POLE: variants seen among roughly 807,000 people sequenced by gnomAD.
The protein encoded by POLE is DNA polymerase epsilon catalytic subunit A.
Under a neutral mutation model 279.2 loss-of-function variants are expected in POLE, and 188 were observed. That is an observed-to-expected ratio of 0.67 (90% CI 0.60 to 0.76). POLE has a LOEUF of 0.76. Among genes scored for constraint, POLE ranks in the 30% least tolerant of loss-of-function variants. POLE has a pLI of 0.00. For missense variants in POLE, 2,703 were observed against 3,016.7 expected, an observed-to-expected ratio of 0.90 and a Z score of 2.44; for synonymous variants, 1,214 against 1,172.5, an observed-to-expected ratio of 1.04 and a Z score of -0.72.
chr12:132,623,961 C>T lies in POLE; in HGVS notation c.*736G>A, dbSNP rs529850965. On this transcript the variant is annotated 3_prime_UTR_variant, in exon 49 of 49. Transcript: ENST00000320574. Reference sequence around the variant, plus strand: ...TTACATTTCATACTTGTTTGGTGCCCTGTGAAATTGGCCTTTCTTCTTTCT... The same window carrying T: ...TTACATTTCATACTTGTTTGGTGCCTTGTGAAATTGGCCTTTCTTCTTTCT... The T allele has an allele frequency of 5.3e-6, 1 of 188,514 alleles. No individual in the cohort carries two copies. The highest frequency in any genetic ancestry group is 8.5e-5 in the East Asian group (1 of 11,816). 11.7% of individuals were successfully genotyped at this position (188,514 alleles called of 1,614,324 possible).
At chr12:132,640,942 C>T (rs1442774175) in intron 39 of POLE, 1 of 456,094 alleles carries the variant, frequency 2.2e-6, no homozygotes, top group African/African-American at 2.0e-5. Flanking sequence ...CTCCCTCTCC[C>T]CTTTTGTATG....
chr12:132,625,595 AC>A lies in POLE; in HGVS notation c.6657+49del, dbSNP rs756539622. 10 of 1,602,702 alleles carry A rather than the reference AC, an allele frequency of 6.2e-6. 1 individual carries two copies. Among genetic ancestry groups the A allele is most frequent in the African/African-American group, 4.0e-5 (3 of 74,664 alleles). On this transcript the variant is annotated intron_variant, in intron 47 of 48. Coordinates refer to ENST00000320574, the MANE Select transcript of POLE (RefSeq NM_006231.4). ...CCCCGGCTCCCGGGAGTGCACAGAAACCCCCCTGTGGACTCCAGGGCACACG... is the reference window on the plus strand; with the variant it reads ...CCCCGGCTCCCGGGAGTGCACAGAAACCCCCTGTGGACTCCAGGGCACACG...
chr12:132,630,721 A>AT (rs1438629419), intron 45 of POLE, among the ~76,000 whole-genome samples: 1 of 152,044 alleles, frequency 6.6e-6, no homozygotes, highest in Non-Finnish European at 1.5e-5. Flanking sequence ...CTCCATCTCC[A>AT]AAAAAAAGCT....
At position 132,668,519 on chromosome 12, in the gene POLE, G is replaced by A. The variant is rs2135976598; in HGVS notation, c.2027-17C>T. The A allele has an allele frequency of 6.3e-7, 1 of 1,581,986 alleles. No individual in the cohort carries two copies. The highest frequency in any genetic ancestry group is 2.3e-5 in the East Asian group (1 of 44,322). ...TGGCTGGCACTGGGAAGGAGGCAAT[G>A]GGGGCAAGTTCAAAAGGAGGCACAG... On this transcript the variant is annotated splice_polypyrimidine_tract_variant and intron_variant, in intron 18 of 48. Transcript: ENST00000320574. The surrounding 1 kb of genome is among the most constrained non-coding windows in gnomAD (Gnocchi z 4.0).
Position 132,649,370 on chromosome 12 carries a change from C to T in POLE, c.3941G>A (p.Gly1314Glu). The part of the protein sequence containing the change: ...PGAIRDGPAT[G>E]LGSFLRRTAR... The stretch of plus-strand genomic sequence containing the variant: ...AGTTCTTCGCAAGAAGCTCCCCAGC[C>T]CCGTGGCAGGACCATCCCGGATGGC... The change falls in exon 31 of 49, where the codon GGG becomes GAG. Residue 1314 changes from glycine (G) to glutamate (E), a missense_variant. Physicochemically the swap from Gly to Glu is moderately conservative, Grantham distance 98. Around this residue, in one of 5 missense-constraint regions of POLE, gnomAD observed 1,551 missense variants for 1,686.1 expected, o/e 0.92. Coordinates refer to ENST00000320574, the MANE Select transcript of POLE (RefSeq NM_006231.4). 4 of 1,613,610 alleles carry T rather than the reference C, an allele frequency of 2.5e-6. 1 individual carries two copies. The South Asian group carries it at 4.4e-5, about 18-fold the overall frequency.
At position 132,643,253 on chromosome 12, in the gene POLE, G is replaced by C. The variant is rs766511597; in HGVS notation, c.4522C>G (p.Arg1508Gly). 24 of 1,613,700 alleles carry C rather than the reference G, an allele frequency of 1.5e-5. No homozygotes were observed. The Admixed American group carries it at 3.7e-4, about 25-fold the overall frequency. Residue 1508 changes from arginine to glycine, a missense_variant, in exon 35 of 49, where the codon CGC becomes GGC. Arg to Gly is a moderately radical substitution (Grantham distance 125, BLOSUM62 -2). Transcript: ENST00000320574. ...ALFGIFIPSQ[R>G]RASVFVLDTV... Reference sequence around the variant, plus strand: ...TCCAGCACAAAGACGGATGCCCTGCGCTGTGAGGGGATGAAGATCCCGAAG... The same window carrying C: ...TCCAGCACAAAGACGGATGCCCTGCCCTGTGAGGGGATGAAGATCCCGAAG...
In POLE at chr12:132,668,829, G is replaced by A. The variant is rs145203544; in HGVS notation, c.1905C>T (p.Ile635=). 370 of 1,614,072 alleles carry A rather than the reference G, an allele frequency of 2.3e-4. No homozygotes were observed. The highest frequency in any genetic ancestry group is 3.1e-4 in the Non-Finnish European group (360 of 1,180,028). Residue 635 remains isoleucine, a synonymous_variant, in exon 17 of 49, where the codon ATC becomes ATT. Coordinates refer to ENST00000320574, the MANE Select transcript of POLE (RefSeq NM_006231.4). The surrounding 1 kb of genome is among the most constrained non-coding windows in gnomAD (Gnocchi z 4.0). The stretch of plus-strand genomic sequence containing the variant: ...GTCTCACCTGCAGGCGGTTGGTCAG[G>A]ATGATGTTGGGGTACATGGCCCCCA... The part of the protein sequence containing the change: ...LDVGAMYPNI[I]LTNRLQPSAM...
rs1057523317 is a variant in POLE at position 132,672,272 on chromosome 12, G to A, written c.1737C>T (p.Arg579=). ...FLLQRVEKTL[R]HALEEEEKVP... is the part of the protein sequence containing the mutation. The stretch of plus-strand genomic sequence containing the variant: ...CTTTCTCCTCTTCCTCAAGGGCGTG[G>A]CGCAAGGTCTTCTCAACCCGCTGCA... Residue 579 remains arginine, a synonymous_variant, in exon 16 of 49, where the codon CGC becomes CGT. Coordinates refer to ENST00000320574, the MANE Select transcript of POLE (RefSeq NM_006231.4). The A allele has an allele frequency of 4.3e-6, 7 of 1,614,204 alleles. No individual in the cohort carries two copies. In the Admixed American group the frequency reaches 5.0e-5, roughly 12 times the overall value.
Position 132,657,137 on chromosome 12 carries a change from T to C in POLE, c.3581A>G (p.Gln1194Arg), listed in dbSNP as rs1165725258. The change falls in exon 29 of 49, where the codon CAG (glutamine) becomes CGG (arginine). Residue 1194 changes from glutamine to arginine, a missense_variant and splice_region_variant. By Grantham distance (43) the Gln-to-Arg change is conservative. Around this residue, in one of 5 missense-constraint regions of POLE, gnomAD observed 1,551 missense variants for 1,686.1 expected, o/e 0.92. Transcript: ENST00000320574. ...SELFTLEGRR[Q>R]VTMAEASEDS... Reference sequence around the variant, plus strand: ...CCAGCCTTGGGGCCCCACCGTCACCTGTCTCCTGCCCTCCAGGGTGAAGAG... The same window carrying C: ...CCAGCCTTGGGGCCCCACCGTCACCCGTCTCCTGCCCTCCAGGGTGAAGAG... 2 of 1,613,980 alleles carry C rather than the reference T, an allele frequency of 1.2e-6. No homozygotes were observed. The highest frequency in any genetic ancestry group is 2.2e-5 in the South Asian group (2 of 91,074).
At position 132,680,134 on chromosome 12, in the gene POLE, A is replaced by C. The variant is rs375911391; in HGVS notation, c.330+44T>G. ...TCCCAGTTGCAAAGCCCACCACAGAATGACACACAGGTCGTCTGACCTGAG... is the reference window on the plus strand; with the variant it reads ...TCCCAGTTGCAAAGCCCACCACAGACTGACACACAGGTCGTCTGACCTGAG... On this transcript the variant is annotated intron_variant, in intron 4 of 48. Coordinates refer to ENST00000320574, the MANE Select transcript of POLE (RefSeq NM_006231.4). The C allele has an allele frequency of 6.9e-6, 11 of 1,603,742 alleles. No homozygotes were observed. The African/African-American group carries it at 1.5e-4, about 21-fold the overall frequency.
Position 132,624,651 on chromosome 12 carries a change from C to T in POLE, c.*46G>A, listed in dbSNP as rs2041791814. 1 of 1,082,672 alleles carries T rather than the reference C, an allele frequency of 9.2e-7. No homozygotes were observed. Among genetic ancestry groups the T allele is most frequent in the East Asian group, 2.4e-5 (1 of 42,532 alleles). The allele number at this position is 1,082,672 out of a possible 1,614,324, so 67.1% of individuals were successfully genotyped here. On this transcript the variant is annotated 3_prime_UTR_variant, in exon 49 of 49. Transcript: ENST00000320574. ...AAGCACGGGGATGTGGCCTTGGCATCAGGAGGCCTGGCACGGACGCAGAGG... is the reference window on the plus strand; with the variant it reads ...AAGCACGGGGATGTGGCCTTGGCATTAGGAGGCCTGGCACGGACGCAGAGG...
rs2136010265 is a variant in POLE, at chr12:132,675,668, C to T, written c.1106+67G>A. The T allele has an allele frequency of 1.3e-6, 2 of 1,564,186 alleles. No individual in the cohort carries two copies. The highest frequency in any genetic ancestry group is 8.8e-7 in the Non-Finnish European group (1 of 1,135,700). ...CTCCTAAGTCGACATGGGAAGCGCC[C>T]CTGCACCACGCAACGCCCTCCCTCT... On this transcript the variant is annotated intron_variant, in intron 11 of 48. Transcript: ENST00000320574. The surrounding 1 kb of genome is among the most constrained non-coding windows in gnomAD (Gnocchi z 4.3).
rs1265002178 is a variant in POLE, at chr12:132,656,988, A to C, written c.3582+148T>G. 1.3e-5 allele frequency: 10 copies of C among 780,770 alleles called. No homozygotes were observed. The East Asian group carries it at 2.6e-4, about 20-fold the overall frequency. 48.4% of individuals were successfully genotyped at this position (780,770 alleles called of 1,614,324 possible). A position where few individuals can be genotyped will look rare whatever the true frequency, so the allele number is the denominator to read the frequency against. ...AGAGTGACACTCAGAGTTAGAGAGTAAAGTGCCAATGGGCACATTTTCAGA... is the reference window on the plus strand; with the variant it reads ...AGAGTGACACTCAGAGTTAGAGAGTCAAGTGCCAATGGGCACATTTTCAGA... On this transcript the variant is annotated intron_variant, in intron 29 of 48. Coordinates refer to ENST00000320574, the MANE Select transcript of POLE (RefSeq NM_006231.4).
At chr12:132,643,059 G>A (rs2138544678) in intron 35 of POLE, 63 bp from the exon 36 acceptor site, 4 of 1,519,760 alleles carry the variant, frequency 2.6e-6, no homozygotes, top group South Asian at 1.3e-5. Flanking sequence ...CAGCCCTGGG[G>A]CAGACTCCAC....
rs1200122093 is a variant in POLE, at chr12:132,673,711, G to C, written c.1227-4C>G. On this transcript the variant is annotated splice_polypyrimidine_tract_variant and splice_region_variant and intron_variant, in intron 12 of 48. Coordinates refer to ENST00000320574, the MANE Select transcript of POLE (RefSeq NM_006231.4). Reference sequence around the variant, plus strand: ...GTAACTGTCCCTCTTCACCCACCTGGAAGGAGAATGAGAACAGAAGCCAGG... The same window carrying C: ...GTAACTGTCCCTCTTCACCCACCTGCAAGGAGAATGAGAACAGAAGCCAGG... The C allele has an allele frequency of 6.2e-7, 1 of 1,613,352 alleles. No homozygotes were observed.
rs2135956858 is a variant in POLE, at chr12:132,664,079, G to A, written c.2631C>T (p.Val877=). 1 of 1,614,206 alleles carries A rather than the reference G, an allele frequency of 6.2e-7. No homozygotes were observed. Among genetic ancestry groups the A allele is most frequent in the Non-Finnish European group, 8.5e-7 (1 of 1,180,016 alleles). ...VLPNSFPENF[V]FKTTNVKKPK... Reference sequence around the variant, plus strand: ...GCTTCTTCACATTGGTCGTCTTGAAGACAAAATTTTCTGGGAAGCTGTTGG... The same window carrying A: ...GCTTCTTCACATTGGTCGTCTTGAAAACAAAATTTTCTGGGAAGCTGTTGG... Residue 877 remains valine (V), a synonymous_variant, in exon 23 of 49, where the codon GTC becomes GTT. Transcript: ENST00000320574. This position sits in a 1 kb window ranked among gnomAD's most constrained non-coding sequence, Gnocchi z 5.3.
At chr12:132,670,056 A>G (rs1593795437) in intron 16 of POLE, among the ~76,000 whole-genome samples, 1 of 116,620 alleles carries the variant, frequency 8.6e-6, no homozygotes, top group Non-Finnish European at 1.9e-5. Context: ...TGCCCATCTC[A>G]CTGTTTCTTA....
rs2042094205 is a variant in POLE at position 132,639,261 on chromosome 12, T to A, written c.5416A>T (p.Ile1806Phe). The A allele has an allele frequency of 6.2e-7, 1 of 1,613,852 alleles. No individual in the cohort carries two copies. The highest frequency in any genetic ancestry group is 8.5e-7 in the Non-Finnish European group (1 of 1,179,898). Reference protein sequence around the residue: ...KSMVVGWVKEITQYHNIYADN... With the variant: ...KSMVVGWVKEFTQYHNIYADN... ...GCATAGATGTTGTGGTACTGGGTGATCTCCTTCACCCAGCCCACGACCATG... is the reference window on the plus strand; with the variant it reads ...GCATAGATGTTGTGGTACTGGGTGAACTCCTTCACCCAGCCCACGACCATG... Residue 1806 changes from isoleucine to phenylalanine, a missense_variant, in exon 40 of 49, where the codon ATC (isoleucine) becomes TTC (phenylalanine). Physicochemically the swap from Ile to Phe is conservative, Grantham distance 21. Around this residue, in one of 5 missense-constraint regions of POLE, gnomAD observed 1,551 missense variants for 1,686.1 expected, o/e 0.92. Transcript: ENST00000320574. This position sits in a 1 kb window ranked among gnomAD's most constrained non-coding sequence, Gnocchi z 4.7.
At chr12:132,654,490 T>C (rs1192068263) in intron 29 of POLE, among the ~76,000 whole-genome samples, 1 of 152,220 alleles carries the variant, frequency 6.6e-6, no homozygotes, top group Non-Finnish European at 1.5e-5. Flanking sequence ...TTTCCAACTG[T>C]TTAGCAGAAA....
Sources: gnomAD v4.1 joint callset for allele counts (sites outside exome capture counted in the v4.1 genomes callset) on GRCh38, gnomAD v4.1.1 for gene constraint, gnomAD v4.1.1 regional missense constraint, Gnocchi (gnomAD v3.1) non-coding constraint, MANE v1.5 for transcripts, NCBI Gene and HGNC (gene_info 2026-07-23, HGNC 2026-07-21) for gene names.